ANK1: variants seen among roughly 807,000 people sequenced by gnomAD.
The protein encoded by ANK1 is ankyrin 1.
Under a neutral mutation model 210.4 loss-of-function variants are expected in ANK1, and 51 were observed. The observed-to-expected ratio is 0.24, with a 90% CI of 0.19 to 0.31. The LOEUF is 0.31. Among genes scored for constraint, ANK1 ranks in the 10% least tolerant of loss-of-function variants. The pLI is 1.00. For synonymous variants in ANK1, 967 were observed against 1,025.9 expected, an observed-to-expected ratio of 0.94 and a Z score of 1.10; for missense variants, 2,051 against 2,504.4, an observed-to-expected ratio of 0.82 and a Z score of 3.86.
chr8:41,892,404 G>T (rs1819621255), intron 1 of ANK1, among the ~76,000 whole-genome samples: 1 of 152,304 alleles, frequency 6.6e-6, no homozygotes, highest in South Asian at 2.1e-4. Flanking sequence ...CAGCTAAGTG[G>T]CAGAGGCCAC....
intron 1 of ANK1, among the ~76,000 whole-genome samples, chr8:41,784,564 A>G (rs569929695): frequency 6.6e-6 from 1 of 152,384 alleles, no homozygotes; most frequent in Admixed American, 6.5e-5. Context: ...GCAAGGAGAA[A>G]ACTAGAAACA....
chr8:41,803,007 A>AAGAG (rs1404506480), intron 1 of ANK1, among the ~76,000 whole-genome samples: 4 of 85,508 alleles, frequency 4.7e-5, no homozygotes, highest in Non-Finnish European at 9.5e-5. Context: ...GAAAGAAAGA[A>AAGAG]AGAAAGAAAG....
intron 4 of ANK1, 30 bp downstream of exon 4, chr8:41,727,878 A>C (rs1361653102): frequency 1.2e-6 from 2 of 1,607,352 alleles, no homozygotes; most frequent in Non-Finnish European, 1.7e-6. Context: ...GAAAGGCAAC[A>C]CCCTCTAGTC....
intron 1 of ANK1, among the ~76,000 whole-genome samples, chr8:41,767,935 A>T (rs1286287669): frequency 2.0e-5 from 3 of 152,182 alleles, no homozygotes; most frequent in Non-Finnish European, 4.4e-5. Flanking sequence ...TCGTGTCGTG[A>T]GATACCAGTT....
chr8:41,843,690 A>G (rs1809470831), intron 1 of ANK1, among the ~76,000 whole-genome samples: 1 of 152,176 alleles, frequency 6.6e-6, no homozygotes, highest in Non-Finnish European at 1.5e-5. Flanking sequence ...AAACCCCACA[A>G]TGCCAGATCT....
chr8:41,655,983 A>T (rs1171514822), intron 42 of ANK1, among the ~76,000 whole-genome samples: 3 of 152,190 alleles, frequency 2.0e-5, no homozygotes, highest in Admixed American at 6.5e-5. Flanking sequence ...CAGAGCCGCC[A>T]CCCAGGCCTC....
At chr8:41,705,211 C>A (rs181253199) in intron 18 of ANK1, among the ~76,000 whole-genome samples, 1 of 152,192 alleles carries the variant, frequency 6.6e-6, no homozygotes, top group African/African-American at 2.4e-5. Flanking sequence ...CCAAGTGTCC[C>A]GGGAAGCTGG....
intron 27 of ANK1, 138 bp downstream of exon 27, chr8:41,695,039 G>T: frequency 1.6e-6 from 2 of 1,246,180 alleles, no homozygotes; most frequent in Non-Finnish European, 2.3e-6. Flanking sequence ...GGGGACCCAG[G>T]GCTTGTCCAC....
intron 1 of ANK1, among the ~76,000 whole-genome samples, chr8:41,782,948 A>G (rs1275471712): frequency 6.6e-6 from 1 of 152,210 alleles, no homozygotes; most frequent in Non-Finnish European, 1.5e-5. Context: ...CCACACTGAA[A>G]AAAAGCTCCT....
Position 41,701,939 on chromosome 8 carries a change from C to A in ANK1, c.2388+113G>T, listed in dbSNP as rs573483654. ...CTCCCACCCGTCGGGCGCGGCGCCT[C>A]CGACCCGCGTCCCGGAGCCCCAGAA... On this transcript the variant is annotated intron_variant, in intron 21 of 42. Coordinates refer to ENST00000289734, the MANE Select transcript of ANK1 (RefSeq NM_000037.4). The A allele has an allele frequency of 2.4e-5, 28 of 1,183,712 alleles. No homozygotes were observed. In the East Asian group the frequency reaches 3.1e-4, roughly 13 times the overall value. 73.3% of individuals were successfully genotyped at this position (1,183,712 alleles called of 1,614,324 possible). A position where few individuals can be genotyped will look rare whatever the true frequency, so the allele number is the denominator to read the frequency against.
intron 37 of ANK1, among the ~76,000 whole-genome samples, chr8:41,677,175 T>C (rs1378514913): frequency 2.0e-5 from 3 of 152,226 alleles, no homozygotes; most frequent in Non-Finnish European, 2.9e-5. Flanking sequence ...ATAGAATCTG[T>C]AGATATTCTA....
chr8:41,736,379 C>T (rs1402097208), intron 2 of ANK1, among the ~76,000 whole-genome samples: 4 of 152,190 alleles, frequency 2.6e-5, no homozygotes, highest in East Asian at 3.9e-4. Context: ...CAGAGCAGGG[C>T]GAGCTTTTTC....
chr8:41,838,785 T>C (rs1808307871), intron 1 of ANK1, among the ~76,000 whole-genome samples: 1 of 144,374 alleles, frequency 6.9e-6, no homozygotes, highest in Non-Finnish European at 1.5e-5. Context: ...ATAATAATAA[T>C]AATAATAAAG....
chr8:41,679,202 T>C (rs113740920), intron 37 of ANK1, among the ~76,000 whole-genome samples: 12 of 152,252 alleles, frequency 7.9e-5, no homozygotes, highest in African/African-American at 2.9e-4. Flanking sequence ...TACTTTTAAT[T>C]GGATGCTGGA....
intron 39 of ANK1, chr8:41,664,916 C>G (rs909398161): frequency 6.2e-7 from 1 of 1,614,142 alleles, no homozygotes; most frequent in African/African-American, 1.3e-5. Flanking sequence ...TGTGCTTTAG[C>G]ACAAAGCACA....
intron 23 of ANK1, among the ~76,000 whole-genome samples, chr8:41,698,713 G>C (rs921883632): frequency 6.6e-6 from 1 of 152,108 alleles, no homozygotes; most frequent in Admixed American, 6.5e-5. Context: ...CCCCTGGCTT[G>C]TACCTAACAT....
chr8:41,680,124 C>T (rs955664816), intron 37 of ANK1, among the ~76,000 whole-genome samples: 1 of 152,208 alleles, frequency 6.6e-6, no homozygotes, highest in Non-Finnish European at 1.5e-5. Context: ...CATTCCATCA[C>T]TCCTTGGAAT....
intron 1 of ANK1, among the ~76,000 whole-genome samples, chr8:41,844,897 G>A (rs1294115324): frequency 2.0e-5 from 3 of 152,120 alleles, no homozygotes; most frequent in African/African-American, 4.8e-5. Flanking sequence ...AGATGAGCAG[G>A]AGCCCGCCTC....
intron 1 of ANK1, among the ~76,000 whole-genome samples, chr8:41,869,506 G>C (rs1273655573): frequency 6.6e-6 from 1 of 152,130 alleles, no homozygotes; most frequent in Non-Finnish European, 1.5e-5. Context: ...CTTGAGCCTG[G>C]GAGGCAGAGG....
Sources: gnomAD v4.1 joint callset for allele counts (sites outside exome capture counted in the v4.1 genomes callset) on GRCh38, gnomAD v4.1.1 for gene constraint, MANE v1.5 for transcripts, NCBI Gene and HGNC (gene_info 2026-07-23, HGNC 2026-07-21) for gene names.